Variants in TFPT observed in about 807,000 individuals in gnomAD.
TFPT encodes TCF3 fusion partner, also known as INO80 complex subunit F.
A neutral mutation model predicts 28.8 loss-of-function variants in TFPT; 27 were observed. The ratio of observed to expected loss-of-function variants is 0.94; its 90% CI spans 0.69 to 1.29. The LOEUF is 1.29. Among genes scored for constraint, TFPT ranks in the 50% most tolerant of loss-of-function variants. The pLI is 0.00. For synonymous variants in TFPT, 152 were observed against 142.8 expected (o/e 1.06, Z -0.46); for missense variants, 330 against 338.0 (o/e 0.98, Z 0.19).
At chr19:54,111,064 G>A (rs752434602) in intron 2 of TFPT, among the ~76,000 whole-genome samples, 1 of 152,162 alleles carries the variant, frequency 6.6e-6, no homozygotes, top group Non-Finnish European at 1.5e-5. Context: ...GAGAAGGCCC[G>A]TGGGCCCAGA....
In TFPT at chr19:54,108,917, C is replaced by T. The variant is rs587759785; in HGVS notation, c.354-522G>A. 1.3e-3 allele frequency: 335 copies of T among 259,586 alleles called. 1 individual carries two copies. The highest frequency in any genetic ancestry group is 5.9e-3 in the Middle Eastern group (4 of 674). 16.1% of individuals were successfully genotyped at this position (259,586 alleles called of 1,614,324 possible). On this transcript the variant is annotated intron_variant, in intron 3 of 5. Coordinates refer to ENST00000391759, the MANE Select transcript of TFPT (RefSeq NM_013342.4). ...CAGGTTTGTTGTTGTTGTTTTGCGACGGAATCTCACTCTGTCACCCAGGCT... is the reference window on the plus strand; with the variant it reads ...CAGGTTTGTTGTTGTTGTTTTGCGATGGAATCTCACTCTGTCACCCAGGCT...
chr19:54,108,755 A>C (rs1199839237), intron 3 of TFPT: 1 of 749,464 alleles, frequency 1.3e-6, no homozygotes, highest in Admixed American at 3.0e-5. Flanking sequence ...TGATAACTGA[A>C]GAGAGGGGAG....
At chr19:54,108,430 T>C in intron 3 of TFPT, 35 bp from the exon 4 acceptor site, 1 of 1,613,986 alleles carries the variant, frequency 6.2e-7, no homozygotes, top group Non-Finnish European at 8.5e-7. Context: ...CGGAATAACT[T>C]ATCTCCTAGC....
rs750346120 is a variant in TFPT, at chr19:54,107,138, G to C, written c.674C>G (p.Ala225Gly). ...IKVEEDFGFE[A>G]DEALDSSWVS... ...CCAACTGGAATCCAGGGCCTCATCT[G>C]CTTCAAAGCCAAAGTCTTCCTCAAC... Residue 225 changes from alanine (A) to glycine (G), a missense_variant, in exon 6 of 6, where the codon GCA becomes GGA. By Grantham distance (60) the Ala-to-Gly change is moderately conservative. Transcript: ENST00000391759. 1 of 1,613,924 alleles carries C rather than the reference G, an allele frequency of 6.2e-7. No homozygotes were observed. The highest frequency in any genetic ancestry group is 1.1e-5 in the South Asian group (1 of 91,068).
At chr19:54,110,371 TC>T (rs1456525528) in intron 2 of TFPT, among the ~76,000 whole-genome samples, 3 of 152,078 alleles carry the variant, frequency 2.0e-5, no homozygotes, top group Non-Finnish European at 2.9e-5. Context: ...CACAACTTAC[TC>T]CCCACTCCAA....
chr19:54,107,692 C>G, intron 5 of TFPT: 3 of 360,688 alleles, frequency 8.3e-6, no homozygotes, highest in East Asian at 4.4e-5. Context: ...TCTGATCCTT[C>G]CTTCTCCTCT....
rs994307515 is a variant in TFPT, at chr19:54,107,173, C to A, written c.643-4G>T. 4.3e-6 allele frequency: 7 copies of A among 1,612,378 alleles called. No homozygotes were observed. The Admixed American group carries it at 6.7e-5, about 16-fold the overall frequency. ...CAAAGTCTTCCTCAACCTTAATCTG[C>A]AGGAGATAAGGAACAAGGTGTTAAC... is the stretch of plus-strand genomic sequence containing the variant. On this transcript the variant is annotated splice_region_variant and splice_polypyrimidine_tract_variant and intron_variant, in intron 5 of 5. Coordinates refer to ENST00000391759, the MANE Select transcript of TFPT (RefSeq NM_013342.4).
intron 3 of TFPT, 85 bp from the exon 4 acceptor site, chr19:54,108,480 C>T (rs756233130): frequency 1.2e-6 from 2 of 1,613,656 alleles, no homozygotes; most frequent in South Asian, 1.1e-5. Flanking sequence ...TCAGCTCCCA[C>T]TCCACTCAAC....
At position 54,115,296 on chromosome 19, in the gene TFPT, C is replaced by T. The variant is rs771179703; in HGVS notation, c.-27G>A. The T allele has an allele frequency of 6.2e-7, 1 of 1,614,008 alleles. No homozygotes were observed. Among genetic ancestry groups the T allele is most frequent in the South Asian group, 1.1e-5 (1 of 91,092 alleles). ...TCCGCGACCTCCGGAAGCCCCGGGCCTCAGAGCTTCCGACCTCTTCAATCT... is the reference window on the plus strand; with the variant it reads ...TCCGCGACCTCCGGAAGCCCCGGGCTTCAGAGCTTCCGACCTCTTCAATCT... On this transcript the variant is annotated 5_prime_UTR_variant, in exon 1 of 6. Transcript: ENST00000391759.
At chr19:54,110,326 T>C (rs1343922412) in intron 2 of TFPT, among the ~76,000 whole-genome samples, 2 of 152,150 alleles carry the variant, frequency 1.3e-5, no homozygotes, top group African/African-American at 4.8e-5. Context: ...TTCCGCGTGC[T>C]GTTCCTCTAC....
intron 2 of TFPT, 142 bp downstream of exon 2, chr19:54,114,300 T>TGCTAAATGACTGAATATATAA: frequency 7.2e-7 from 1 of 1,380,074 alleles, no homozygotes; most frequent in East Asian, 2.3e-5. Flanking sequence ...ACATAATGCA[T>TGCTAAATGACTGAATATATAA]GCTAAATGAC....
rs946524810 is a variant in TFPT at position 54,115,385 on chromosome 19, G to T, written c.-116C>A. 12 of 1,468,744 alleles carry T rather than the reference G, an allele frequency of 8.2e-6. No individual in the cohort carries two copies. The highest frequency in any genetic ancestry group is 1.0e-5 in the Non-Finnish European group (11 of 1,057,714). 91.0% of individuals were successfully genotyped at this position (1,468,744 alleles called of 1,614,324 possible). On this transcript the variant is annotated 5_prime_UTR_variant, in exon 1 of 6. Transcript: ENST00000391759. ...GCTCAGCAGCCGAGGACGGCGGGAC[G>T]TGGCCCTAGGCCTTGTGGGAGTTGT...
Position 54,115,333 on chromosome 19 carries a change from C to G in TFPT, c.-64G>C. The G allele has an allele frequency of 6.2e-7, 1 of 1,612,208 alleles. No homozygotes were observed. Among genetic ancestry groups the G allele is most frequent in the Non-Finnish European group, 8.5e-7 (1 of 1,179,338 alleles). On this transcript the variant is annotated 5_prime_UTR_variant, in exon 1 of 6. Coordinates refer to ENST00000391759, the MANE Select transcript of TFPT (RefSeq NM_013342.4). ...GACCTCTTCAATCTGTAGGTTAAGCCGTTCGCAAAACTACTTGTCCCATCA... is the reference window on the plus strand; with the variant it reads ...GACCTCTTCAATCTGTAGGTTAAGCGGTTCGCAAAACTACTTGTCCCATCA...
At chr19:54,110,804 C>A (rs2073432174) in intron 2 of TFPT, among the ~76,000 whole-genome samples, 1 of 152,164 alleles carries the variant, frequency 6.6e-6, no homozygotes, top group South Asian at 2.1e-4. Context: ...TCTGAGGAGG[C>A]AGGACGCAGC....
intron 5 of TFPT, chr19:54,107,613 G>C (rs2073308608): frequency 3.7e-6 from 1 of 269,860 alleles, no homozygotes; most frequent in African/African-American, 2.2e-5. Context: ...GGCAATCCCA[G>C]TGTTCCTGGG....
intron 2 of TFPT, among the ~76,000 whole-genome samples, chr19:54,113,933 TC>T (rs1268518564): frequency 1.3e-5 from 2 of 152,198 alleles, no homozygotes; most frequent in Non-Finnish European, 2.9e-5. Flanking sequence ...CCTCAGGTGA[TC>T]CGCCTGCCTC....
Position 54,115,301 on chromosome 19 carries a change from A to G in TFPT, c.-32T>C. ...GACCTCCGGAAGCCCCGGGCCTCAGAGCTTCCGACCTCTTCAATCTGTAGG... is the reference window on the plus strand; with the variant it reads ...GACCTCCGGAAGCCCCGGGCCTCAGGGCTTCCGACCTCTTCAATCTGTAGG... On this transcript the variant is annotated 5_prime_UTR_variant, in exon 1 of 6. Transcript: ENST00000391759. 6.2e-7 allele frequency: 1 copy of G among 1,613,782 alleles called. No individual in the cohort carries two copies. Among genetic ancestry groups the G allele is most frequent in the Non-Finnish European group, 8.5e-7 (1 of 1,180,006 alleles).
intron 2 of TFPT, among the ~76,000 whole-genome samples, chr19:54,113,294 G>GAC (rs138803310): frequency 6.6e-6 from 1 of 151,818 alleles, no homozygotes; most frequent in South Asian, 2.1e-4. Flanking sequence ...TTGGGACACA[G>GAC]ACACACACAC....
rs1399621209 is a variant in TFPT, at chr19:54,115,437, G to T, written c.-168C>A. ...GTTTCCTGTTTCCGGCTTCGCTTCG[G>T]CCCACCCCCACGTCCACCCCGAATC... On this transcript the variant is annotated 5_prime_UTR_variant, in exon 1 of 6. Transcript: ENST00000391759. The T allele has an allele frequency of 6.8e-6, 6 of 877,258 alleles. 1 individual carries two copies. The African/African-American group carries it at 1.0e-4, about 15-fold the overall frequency. 54.3% of individuals were successfully genotyped at this position (877,258 alleles called of 1,614,324 possible). A position where few individuals can be genotyped will look rare whatever the true frequency, so the allele number is the denominator to read the frequency against.
Sources: allele counts gnomAD v4.1 joint callset (sites outside exome capture counted in the v4.1 genomes callset), GRCh38; gene constraint gnomAD v4.1.1; transcripts MANE v1.5; gene names NCBI Gene and HGNC (gene_info 2026-07-23, HGNC 2026-07-21).